CLSTN2: variants seen among roughly 807,000 people sequenced by gnomAD.
CLSTN2 encodes calsyntenin 2, also known as calsyntenin-2.
A neutral mutation model predicts 101.2 loss-of-function variants in CLSTN2; 48 were observed. That is an observed-to-expected ratio of 0.47 (90% CI 0.38 to 0.60). The LOEUF is 0.60. Ranked by LOEUF, CLSTN2 falls within the 20% of genes least tolerant of loss-of-function variation. CLSTN2 has a pLI of 0.00. For synonymous variants in CLSTN2, 481 were observed against 463.6 expected (o/e 1.04, Z -0.48); for missense variants, 1,160 against 1,238.2 (o/e 0.94, Z 0.95).
intron 8 of CLSTN2, among the ~76,000 whole-genome samples, chr3:140,483,019 T>G (rs1934155878): frequency 6.6e-6 from 1 of 152,222 alleles, no homozygotes; most frequent in Non-Finnish European, 1.5e-5. Context: ...TCTCCAGTTC[T>G]TTTAATTGTG....
chr3:140,297,973 T>C (rs2087020237), intron 2 of CLSTN2, among the ~76,000 whole-genome samples: 1 of 152,254 alleles, frequency 6.6e-6, no homozygotes, highest in Admixed American at 6.5e-5. Flanking sequence ...ATTAAATGTG[T>C]ACTGCTTTTA....
intron 8 of CLSTN2, among the ~76,000 whole-genome samples, chr3:140,512,393 T>G (rs1934832825): frequency 6.6e-6 from 1 of 152,190 alleles, no homozygotes; most frequent in African/African-American, 2.4e-5. Flanking sequence ...CCATTGCTTG[T>G]TTTTCTCAGG....
At chr3:140,293,013 A>G (rs778136031) in intron 2 of CLSTN2, among the ~76,000 whole-genome samples, 1 of 152,204 alleles carries the variant, frequency 6.6e-6, no homozygotes, top group Non-Finnish European at 1.5e-5. Context: ...GATAAACACT[A>G]TTAGACCTCA....
chr3:140,564,881 C>T (rs74551249), intron 16 of CLSTN2, among the ~76,000 whole-genome samples: 4,068 of 152,236 alleles, frequency 0.027, 181 homozygotes, highest in African/African-American at 0.091. Context: ...TGCCCTTTGC[C>T]CATGGGTTCT....
intron 1 of CLSTN2, among the ~76,000 whole-genome samples, chr3:140,016,882 T>C (rs982550233): frequency 1.3e-5 from 2 of 151,890 alleles, no homozygotes; most frequent in African/African-American, 4.8e-5. Context: ...TAATCAACTG[T>C]TTATGTTATC....
chr3:140,100,325 T>C (rs1485339683), intron 1 of CLSTN2, among the ~76,000 whole-genome samples: 1 of 152,164 alleles, frequency 6.6e-6, no homozygotes, highest in Non-Finnish European at 1.5e-5. Context: ...CCATAAAATG[T>C]AGAGTTTGCT....
chr3:140,242,346 C>A (rs2086477853), intron 2 of CLSTN2, among the ~76,000 whole-genome samples: 1 of 152,258 alleles, frequency 6.6e-6, no homozygotes, highest in Non-Finnish European at 1.5e-5. Context: ...GAAAACCTGT[C>A]TTTGAGACAT....
chr3:140,563,165 A>G lies in CLSTN2; in HGVS notation c.2444A>G (p.His815Arg). 1 of 1,614,088 alleles carries G rather than the reference A, an allele frequency of 6.2e-7. No individual in the cohort carries two copies. Among genetic ancestry groups the G allele is most frequent in the Non-Finnish European group, 8.5e-7 (1 of 1,180,002 alleles). Residue 815 changes from histidine to arginine, a missense_variant, in exon 15 of 17, where the codon CAT (histidine) becomes CGT (arginine). Physicochemically the swap from His to Arg is conservative, Grantham distance 29 (BLOSUM62 0). Transcript: ENST00000458420. Reference sequence around the variant, plus strand: ...CAGCCTCCCTTCCTCCAGTCTGTCCATCATCCTGAGTCCCGGAGTAGCATC... The same window carrying G: ...CAGCCTCCCTTCCTCCAGTCTGTCCGTCATCCTGAGTCCCGGAGTAGCATC... ...IVQPPFLQSV[H>R]HPESRSSIQH... is the part of the protein sequence containing the mutation.
At chr3:140,332,688 T>A (rs1373469947) in intron 2 of CLSTN2, among the ~76,000 whole-genome samples, 2 of 134,504 alleles carry the variant, frequency 1.5e-5, no homozygotes, top group African/African-American at 5.3e-5. Context: ...ATGCTTGTTT[T>A]TTCTTTTCTT....
intron 1 of CLSTN2, among the ~76,000 whole-genome samples, chr3:140,115,739 A>C (rs2009230467): frequency 6.6e-6 from 1 of 152,166 alleles, no homozygotes; most frequent in African/African-American, 2.4e-5. Flanking sequence ...ATGGGTTGAA[A>C]CTTTAAGGAA....
At chr3:140,034,657 T>A (rs1048884962) in intron 1 of CLSTN2, among the ~76,000 whole-genome samples, 1 of 152,224 alleles carries the variant, frequency 6.6e-6, no homozygotes, top group African/African-American at 2.4e-5. Flanking sequence ...CCTCCAAAGC[T>A]CTGGGAGAGT....
chr3:140,064,632 A>T (rs543635212), intron 1 of CLSTN2, among the ~76,000 whole-genome samples: 1 of 152,348 alleles, frequency 6.6e-6, no homozygotes, highest in African/African-American at 2.4e-5. Context: ...TTCTGAATCA[A>T]TGAGAAAGAA....
intron 8 of CLSTN2, among the ~76,000 whole-genome samples, chr3:140,477,845 A>G (rs544735105): frequency 5.9e-5 from 9 of 152,368 alleles, no homozygotes; most frequent in Middle Eastern, 3.4e-3. Flanking sequence ...TGGCACTGGC[A>G]GACTGGAAAA....
intron 9 of CLSTN2, among the ~76,000 whole-genome samples, chr3:140,542,498 G>A (rs998497430): frequency 6.6e-6 from 1 of 152,072 alleles, no homozygotes; most frequent in Non-Finnish European, 1.5e-5. Flanking sequence ...GAGTCACGTG[G>A]CCTATGCAGC....
At chr3:140,309,547 A>G (rs1377912454) in intron 2 of CLSTN2, among the ~76,000 whole-genome samples, 1 of 152,106 alleles carries the variant, frequency 6.6e-6, no homozygotes, top group African/African-American at 2.4e-5. Flanking sequence ...TATCACAAGC[A>G]GGGCATAGGT....
At chr3:140,265,804 C>A (rs1401315475) in intron 2 of CLSTN2, among the ~76,000 whole-genome samples, 1 of 152,160 alleles carries the variant, frequency 6.6e-6, no homozygotes, top group Non-Finnish European at 1.5e-5. Flanking sequence ...CAAAGGGACA[C>A]TCAGGGCTGG....
chr3:140,437,051 T>TG (rs1281592869), intron 5 of CLSTN2, among the ~76,000 whole-genome samples: 3 of 21,382 alleles, frequency 1.4e-4, no homozygotes, highest in Non-Finnish European at 2.2e-4. Flanking sequence ...GGAGGTTTGG[T>TG]TTTTTTTTTT....
chr3:139,945,950 A>G (rs1935208039), intron 1 of CLSTN2, among the ~76,000 whole-genome samples: 1 of 152,214 alleles, frequency 6.6e-6, no homozygotes, highest in Non-Finnish European at 1.5e-5. Context: ...AACACTATGA[A>G]CTGAAAGTGT....
intron 1 of CLSTN2, among the ~76,000 whole-genome samples, chr3:140,150,363 A>T (rs965257030): frequency 4.6e-5 from 7 of 152,234 alleles, no homozygotes; most frequent in African/African-American, 1.7e-4. Flanking sequence ...CATTTTTAAA[A>T]TGGAAATGAC....
Sources: gnomAD v4.1 joint callset for allele counts (sites outside exome capture counted in the v4.1 genomes callset) on GRCh38, gnomAD v4.1.1 for gene constraint, MANE v1.5 for transcripts, NCBI Gene and HGNC (gene_info 2026-07-23, HGNC 2026-07-21) for gene names.